The following PTPRT variants were observed in gnomAD, a reference collection of about 807,000 sequenced individuals.
PTPRT encodes the protein receptor-type tyrosine-protein phosphatase T.
A neutral mutation model predicts 176.8 loss-of-function variants in PTPRT; 56 were observed. The ratio of observed to expected loss-of-function variants is 0.32; its 90% confidence interval spans 0.26 to 0.40. The LOEUF is 0.40. PTPRT is among the 10% of genes least tolerant of loss of function. PTPRT has a pLI of 1.00. For synonymous variants in PTPRT, 783 were observed against 739.0 expected (o/e 1.06, Z -0.96); for missense variants, 1,540 against 1,908.2 (o/e 0.81, Z 3.60).
intron 4 of PTPRT, among the ~76,000 whole-genome samples, chr20:42,773,430 A>T (rs996539747): frequency 6.6e-6 from 1 of 152,094 alleles, no homozygotes; most frequent in Non-Finnish European, 1.5e-5. Context: ...CCCCCAAAAA[A>T]TCCAGGAAGT....
At chr20:42,546,843 T>A (rs6072789) in intron 7 of PTPRT, among the ~76,000 whole-genome samples, 1 of 152,002 alleles carries the variant, frequency 6.6e-6, no homozygotes, top group Non-Finnish European at 1.5e-5. Context: ...TTACCCACTA[T>A]GTTTGCTCAT....
chr20:42,400,775 AG>A (rs1231639604), intron 9 of PTPRT, among the ~76,000 whole-genome samples: 1 of 152,200 alleles, frequency 6.6e-6, no homozygotes, highest in Non-Finnish European at 1.5e-5. Context: ...GGAGTTATGG[AG>A]GGAATTAGAG....
At chr20:42,775,143 G>A (rs2077117028) in intron 4 of PTPRT, among the ~76,000 whole-genome samples, 1 of 152,186 alleles carries the variant, frequency 6.6e-6, no homozygotes, top group Admixed American at 6.5e-5. Flanking sequence ...CCCCCAGATG[G>A]GATGCCACTG....
intron 1 of PTPRT, among the ~76,000 whole-genome samples, chr20:43,182,314 T>C (rs1391346677): frequency 1.3e-5 from 2 of 151,664 alleles, no homozygotes; most frequent in African/African-American, 2.4e-5. Context: ...GAACATGTAG[T>C]CGGCAGCACT....
At chr20:42,561,495 A>G (rs2072950918) in intron 7 of PTPRT, among the ~76,000 whole-genome samples, 1 of 152,190 alleles carries the variant, frequency 6.6e-6, no homozygotes, top group East Asian at 1.9e-4. Flanking sequence ...ACTGGCATAA[A>G]TGATCCCATA....
chr20:42,251,495 A>G (rs2056550493), intron 13 of PTPRT, among the ~76,000 whole-genome samples: 1 of 152,058 alleles, frequency 6.6e-6, no homozygotes, highest in African/African-American at 2.4e-5. Context: ...AGTAATAGCA[A>G]ACTTGAACCC....
chr20:42,291,060 G>A (rs2057309479), intron 12 of PTPRT, among the ~76,000 whole-genome samples: 1 of 152,058 alleles, frequency 6.6e-6, no homozygotes, highest in Admixed American at 6.6e-5. Context: ...TCTTTATTTT[G>A]TCTAAGACTG....
chr20:42,404,283 C>T (rs1285455157), intron 9 of PTPRT, among the ~76,000 whole-genome samples: 1 of 152,094 alleles, frequency 6.6e-6, no homozygotes, highest in Non-Finnish European at 1.5e-5. Flanking sequence ...CCTGGTCAGC[C>T]ATCCAGACCC....
chr20:42,375,392 G>A (rs2058638759), intron 9 of PTPRT, among the ~76,000 whole-genome samples: 1 of 152,148 alleles, frequency 6.6e-6, no homozygotes, highest in African/African-American at 2.4e-5. Flanking sequence ...TAGGAGGTGA[G>A]GCCTCTGGGG....
intron 7 of PTPRT, among the ~76,000 whole-genome samples, chr20:42,645,764 A>ATGTGTG (rs59454108): frequency 0.029 from 3,985 of 139,530 alleles, 75 homozygotes; most frequent in Middle Eastern, 0.096. Flanking sequence ...ATGTGTATTT[A>ATGTGTG]TGTGTGTGTG....
chr20:42,471,054 T>C (rs1335040719), intron 8 of PTPRT, among the ~76,000 whole-genome samples: 1 of 152,116 alleles, frequency 6.6e-6, no homozygotes, highest in Non-Finnish European at 1.5e-5. Flanking sequence ...GGAGATTAGT[T>C]CAATTTCAGA....
intron 27 of PTPRT, among the ~76,000 whole-genome samples, chr20:42,096,763 T>A (rs1396685033): frequency 1.5e-5 from 2 of 133,470 alleles, no homozygotes; most frequent in African/African-American, 2.6e-5. Flanking sequence ...AAAATTTTTT[T>A]TTTTTTTTTT....
At position 42,577,523 on chromosome 20, in the gene PTPRT, G is replaced by C. The variant is rs147498214; in HGVS notation, c.1153+100343C>G. Among the ~76,000 whole-genome samples the C allele has an allele frequency of 1.1e-4, 17 of 152,334 alleles. No individual in the cohort carries two copies. In the East Asian group the frequency reaches 2.7e-3, roughly 24 times the overall value. Reference sequence around the variant, plus strand: ...GACCTGGATGCAACAGAGTAAATAAGATGATACTGCAGACTGGGGATGTTT... The same window carrying C: ...GACCTGGATGCAACAGAGTAAATAACATGATACTGCAGACTGGGGATGTTT... On this transcript the variant is annotated intron_variant, in intron 7 of 30. Coordinates refer to ENST00000373187, the MANE Select transcript of PTPRT (RefSeq NM_007050.6).
intron 16 of PTPRT, among the ~76,000 whole-genome samples, chr20:42,182,596 T>A (rs1447495286): frequency 6.6e-6 from 1 of 152,170 alleles, no homozygotes; most frequent in Non-Finnish European, 1.5e-5. Flanking sequence ...GAATTTCATC[T>A]AACCTAGATC....
chr20:42,562,935 G>A lies in PTPRT; in HGVS notation c.1154-90373C>T, dbSNP rs192289648. 2.6e-3 allele frequency among the ~76,000 whole-genome samples: 399 copies of A among 152,154 alleles called. 6 individuals are homozygous for A. Among genetic ancestry groups the A allele is most frequent in the African/African-American group, 9.2e-3 (382 of 41,518 alleles). On this transcript the variant is annotated intron_variant, in intron 7 of 30. Transcript: ENST00000373187. ...TATATTCTAGAAAGATTAAAAACTCGAAGGCAAAACAAAACAAAACAATAA... is the reference window on the plus strand; with the variant it reads ...TATATTCTAGAAAGATTAAAAACTCAAAGGCAAAACAAAACAAAACAATAA...
At chr20:42,713,408 C>T (rs76091221) in intron 6 of PTPRT, among the ~76,000 whole-genome samples, 1,795 of 152,226 alleles carry the variant, frequency 0.012, 38 homozygotes, top group African/African-American at 0.041. Context: ...GCTGACGAAT[C>T]TCAAGTATCT....
chr20:43,083,321 T>TGTATATATATATATATATATATATACAC (rs1491174501), intron 1 of PTPRT, among the ~76,000 whole-genome samples: 174 of 11,412 alleles, frequency 0.015, 8 homozygotes, highest in African/African-American at 0.068. Context: ...ACTTCAAATG[T>TGTATATATATATATATATATATATACAC]ATATATATAT....
intron 7 of PTPRT, among the ~76,000 whole-genome samples, chr20:42,529,889 G>C (rs1414369608): frequency 6.7e-6 from 1 of 148,574 alleles, no homozygotes; most frequent in African/African-American, 2.5e-5. Context: ...TGATGGTTTT[G>C]TCCTTTGGGC....
intron 7 of PTPRT, among the ~76,000 whole-genome samples, chr20:42,634,024 T>A: frequency 3.8e-5 from 1 of 26,052 alleles, no homozygotes; most frequent in South Asian, 7.9e-4. Context: ...ATATATATAA[T>A]ATATATATTA....
Sources: allele counts gnomAD v4.1 joint callset (sites outside exome capture counted in the v4.1 genomes callset), GRCh38; gene constraint gnomAD v4.1.1; transcripts MANE v1.5; gene names NCBI Gene and HGNC (gene_info 2026-07-23, HGNC 2026-07-21).